The following EGFR variants were observed in gnomAD, a reference collection of about 807,000 sequenced individuals.
The protein encoded by EGFR is avian erythroblastic leukemia viral (v-erb-b) oncogene homolog.
A neutral mutation model predicts 143.0 loss-of-function variants in EGFR; 58 were observed. The ratio of observed to expected loss-of-function variants is 0.41; its 90% confidence interval spans 0.33 to 0.50. The LOEUF (loss-of-function observed/expected upper bound fraction) is 0.50, where lower values mean the gene tolerates loss of function less well. Among genes scored for constraint, EGFR ranks in the 20% least tolerant of loss-of-function variants. EGFR has a pLI of 0.39. For missense variants in EGFR, 1,307 were observed against 1,579.0 expected (o/e 0.83, Z 2.92); for synonymous variants, 613 against 594.4 (o/e 1.03, Z -0.45).
At chr7:55,163,452 CTT>C (rs1785806641) in intron 13 of EGFR, among the ~76,000 whole-genome samples, 1 of 152,174 alleles carries the variant, frequency 6.6e-6, no homozygotes, top group South Asian at 2.1e-4. Flanking sequence ...TCAGGACTAT[CTT>C]TTCTTTTATC....
chr7:55,050,861 T>A (rs969097425), intron 1 of EGFR, among the ~76,000 whole-genome samples: 3 of 152,186 alleles, frequency 2.0e-5, no homozygotes, highest in African/African-American at 7.2e-5. Flanking sequence ...TCCTGGTGTC[T>A]GCATAGTCTG....
At chr7:55,041,825 A>T (rs987429325) in intron 1 of EGFR, among the ~76,000 whole-genome samples, 1 of 152,212 alleles carries the variant, frequency 6.6e-6, no homozygotes, top group Non-Finnish European at 1.5e-5. Context: ...ATTCATCCTT[A>T]AAGTACATTA....
Position 55,211,507 on chromosome 7 carries a change from G to A in EGFR, c.*5890G>A, listed in dbSNP as rs1788234660. 1 of 152,116 alleles carries A rather than the reference G, an allele frequency of 6.6e-6. No homozygotes were observed. The highest frequency in any genetic ancestry group is 2.1e-4 in the South Asian group (1 of 4,818). 9.4% of individuals were successfully genotyped at this position (152,116 alleles called of 1,614,324 possible). The stretch of plus-strand genomic sequence containing the variant: ...GAAAAGCAGAATTCTCTTTTATATG[G>A]TTTATACTGTTGATCAGAAATGTTG... On this transcript the variant is annotated 3_prime_UTR_variant, in exon 28 of 28. Coordinates refer to ENST00000275493, the MANE Select transcript of EGFR (RefSeq NM_005228.5).
At chr7:55,085,216 A>G (rs535014974) in intron 1 of EGFR, among the ~76,000 whole-genome samples, 1 of 152,330 alleles carries the variant, frequency 6.6e-6, no homozygotes, top group African/African-American at 2.4e-5. Context: ...TTGTTTTCCA[A>G]CTGATGCCAG....
intron 13 of EGFR, among the ~76,000 whole-genome samples, chr7:55,162,335 T>C (rs1785750053): frequency 6.6e-6 from 1 of 152,252 alleles, no homozygotes; most frequent in African/African-American, 2.4e-5. Context: ...CCATAGGAAT[T>C]ACAGATGGCT....
At chr7:55,081,751 T>C (rs1166301478) in intron 1 of EGFR, among the ~76,000 whole-genome samples, 3 of 151,810 alleles carry the variant, frequency 2.0e-5, no homozygotes, top group Non-Finnish European at 4.4e-5. Context: ...AGCTTTTTTC[T>C]CTCTCCAAAA....
chr7:55,112,676 A>G (rs1165968440), intron 1 of EGFR, among the ~76,000 whole-genome samples: 1 of 152,192 alleles, frequency 6.6e-6, no homozygotes, highest in Non-Finnish European at 1.5e-5. Flanking sequence ...GGAATGCACA[A>G]GTAGGAAACG....
chr7:55,134,593 G>A (rs902147593), intron 1 of EGFR, among the ~76,000 whole-genome samples: 6 of 152,228 alleles, frequency 3.9e-5, no homozygotes, highest in South Asian at 4.1e-4. Context: ...ACAGATCAAC[G>A]GGTATTGCTT....
At chr7:55,161,798 C>T (rs992292190) in intron 13 of EGFR, among the ~76,000 whole-genome samples, 167 bp downstream of exon 13, 3 of 152,080 alleles carry the variant, frequency 2.0e-5, no homozygotes, top group Non-Finnish European at 4.4e-5. Flanking sequence ...TGTTTGATTG[C>T]GTTATTTTTG....
chr7:55,048,167 AC>A (rs545247512), intron 1 of EGFR, among the ~76,000 whole-genome samples: 4 of 151,410 alleles, frequency 2.6e-5, no homozygotes, highest in Admixed American at 1.3e-4. Flanking sequence ...AAATCCTTAG[AC>A]CCCCCCTCGG....
intron 20 of EGFR, 155 bp downstream of exon 20, chr7:55,181,633 G>A: frequency 1.1e-6 from 1 of 893,078 alleles, no homozygotes; most frequent in Non-Finnish European, 1.8e-6. Flanking sequence ...CAATCAAGTT[G>A]ATCTTCTTGT....
At chr7:55,173,837 C>A in intron 17 of EGFR, 84 bp from the exon 18 acceptor site, 1 of 1,611,284 alleles carries the variant, frequency 6.2e-7, no homozygotes, top group Non-Finnish European at 8.5e-7. Flanking sequence ...GCTGCTGGTC[C>A]CCCTGCTGGG....
chr7:55,166,287 A>G, intron 15 of EGFR: 1 of 574,208 alleles, frequency 1.7e-6, no homozygotes, highest in Admixed American at 2.0e-5. Context: ...AGAGAAGTTG[A>G]GCTGTCATAT....
At chr7:55,160,858 G>A (rs1785661247) in intron 12 of EGFR, among the ~76,000 whole-genome samples, 1 of 152,206 alleles carries the variant, frequency 6.6e-6, no homozygotes, top group South Asian at 2.1e-4. Flanking sequence ...CCCTTAATCT[G>A]TTTAGGCTTT....
At chr7:55,063,928 C>G (rs1408252463) in intron 1 of EGFR, among the ~76,000 whole-genome samples, 10 of 152,186 alleles carry the variant, frequency 6.6e-5, no homozygotes, top group African/African-American at 2.4e-4. Context: ...TATGTCTCTT[C>G]TTGGCTTCTC....
intron 1 of EGFR, among the ~76,000 whole-genome samples, chr7:55,115,130 A>G (rs1011691702): frequency 2.6e-5 from 4 of 152,198 alleles, no homozygotes; most frequent in East Asian, 1.9e-4. Context: ...CAGCCTCCCA[A>G]TGCACTGGGA....
chr7:55,065,664 G>A (rs1485405532), intron 1 of EGFR, among the ~76,000 whole-genome samples: 3 of 152,226 alleles, frequency 2.0e-5, no homozygotes, highest in South Asian at 2.1e-4. Flanking sequence ...TTCAACCAGC[G>A]ATGAGTTCAA....
intron 25 of EGFR, 62 bp downstream of exon 25, chr7:55,201,417 T>A (rs1787845016): frequency 1.2e-6 from 2 of 1,609,780 alleles, no homozygotes; most frequent in Admixed American, 1.7e-5. Context: ...ACAAATTGAA[T>A]TTTAGGGAAA....
chr7:55,037,778 C>T (rs1434601627), intron 1 of EGFR, among the ~76,000 whole-genome samples: 1 of 152,190 alleles, frequency 6.6e-6, no homozygotes, highest in Non-Finnish European at 1.5e-5. Context: ...TTAGTCAACT[C>T]AGATTTACTT....
Sources: allele counts gnomAD v4.1 joint callset (sites outside exome capture counted in the v4.1 genomes callset), GRCh38; gene constraint gnomAD v4.1.1; transcripts MANE v1.5; gene names NCBI Gene and HGNC (gene_info 2026-07-23, HGNC 2026-07-21).